NME7: variants seen among roughly 807,000 people sequenced by gnomAD.
The protein encoded by NME7 is NME/NM23 family member 7, also known as nucleoside diphosphate kinase 7.
A neutral mutation model predicts 49.1 loss-of-function variants in NME7; 41 were observed. That is an observed-to-expected ratio of 0.83 (90% confidence interval 0.65 to 1.08). NME7 has a LOEUF of 1.08. Among genes scored for constraint, NME7 ranks in the 50% least tolerant of loss-of-function variants. The pLI, the probability that NME7 is intolerant of heterozygous loss-of-function variation, is 0.00. For missense variants in NME7, 423 were observed against 463.4 expected, an observed-to-expected ratio of 0.91 and a Z score of 0.80; for synonymous variants, 139 against 150.6, an observed-to-expected ratio of 0.92 and a Z score of 0.56.
intron 1 of NME7, among the ~76,000 whole-genome samples, chr1:169,348,910 A>AT (rs1553196865): frequency 2.6e-5 from 4 of 151,392 alleles, no homozygotes; most frequent in African/African-American, 4.9e-5. Flanking sequence ...AAAAAAAAAA[A>AT]TTTTAAACAT....
chr1:169,182,486 C>A (rs1386042587), intron 10 of NME7, among the ~76,000 whole-genome samples: 4 of 152,160 alleles, frequency 2.6e-5, no homozygotes, highest in South Asian at 4.1e-4. Context: ...CCCTTTTGGG[C>A]CCCCCATCTA....
chr1:169,340,071 T>C (rs369989284), intron 1 of NME7, among the ~76,000 whole-genome samples: 2 of 152,316 alleles, frequency 1.3e-5, no homozygotes, highest in East Asian at 1.9e-4. Flanking sequence ...CATACCTTTG[T>C]AACTAGTCCC....
At chr1:169,246,534 T>C (rs1018553027) in intron 7 of NME7, among the ~76,000 whole-genome samples, 15 of 152,198 alleles carry the variant, frequency 9.9e-5, no homozygotes, top group African/African-American at 3.6e-4. Context: ...ACATTTTTCC[T>C]TACCAATTTC....
chr1:169,134,335 A>C lies in NME7; in HGVS notation c.1099-1518T>G, dbSNP rs148163967. Among the ~76,000 whole-genome samples the C allele has an allele frequency of 1.7e-4, 26 of 152,368 alleles. 2 individuals carry two copies. Among genetic ancestry groups the C allele is most frequent in the African/African-American group, 6.0e-4 (25 of 41,596 alleles). On this transcript the variant is annotated intron_variant, in intron 11 of 11. Coordinates refer to ENST00000367811, the MANE Select transcript of NME7 (RefSeq NM_013330.5). ...TAATCAGTTTATTCTGACCCTCAGT[A>C]GATGACATATTTCATGGGTGTAGGG...
intron 10 of NME7, among the ~76,000 whole-genome samples, chr1:169,194,627 T>G (rs530229105): frequency 6.6e-6 from 1 of 152,354 alleles, no homozygotes; most frequent in African/African-American, 2.4e-5. Context: ...GCACTCATTC[T>G]ATTTTACAGA....
At chr1:169,165,684 T>C (rs945680022) in intron 11 of NME7, among the ~76,000 whole-genome samples, 3 of 152,226 alleles carry the variant, frequency 2.0e-5, no homozygotes, top group African/African-American at 7.2e-5. Context: ...TCACTCGGAT[T>C]TTCACTTTGA....
At chr1:169,195,521 C>CT (rs933811287) in intron 10 of NME7, among the ~76,000 whole-genome samples, 1 of 152,124 alleles carries the variant, frequency 6.6e-6, no homozygotes, top group African/African-American at 2.4e-5. Context: ...TCAAAAGATA[C>CT]TTTTTTAAAA....
chr1:169,323,769 A>G (rs762660465), intron 2 of NME7, among the ~76,000 whole-genome samples: 4 of 151,896 alleles, frequency 2.6e-5, no homozygotes, highest in Non-Finnish European at 5.9e-5. Context: ...ATTTATGACC[A>G]TAATAATCCT....
At chr1:169,318,031 C>T (rs372005073) in intron 3 of NME7, among the ~76,000 whole-genome samples, 26 of 152,230 alleles carry the variant, frequency 1.7e-4, no homozygotes, top group Non-Finnish European at 2.2e-4. Context: ...GAATCAGAGT[C>T]CGGCACCTGC....
intron 7 of NME7, among the ~76,000 whole-genome samples, chr1:169,280,273 C>T (rs1389431161): frequency 6.6e-6 from 1 of 152,118 alleles, no homozygotes; most frequent in African/African-American, 2.4e-5. Context: ...AGTGTCTGTT[C>T]ATATCCTTTG....
At chr1:169,185,145 G>C (rs1456604598) in intron 10 of NME7, among the ~76,000 whole-genome samples, 1 of 152,160 alleles carries the variant, frequency 6.6e-6, no homozygotes, top group African/African-American at 2.4e-5. Flanking sequence ...GCAATTGAGA[G>C]TCAGCATGAT....
intron 3 of NME7, among the ~76,000 whole-genome samples, chr1:169,319,731 A>T (rs539850321): frequency 1.3e-5 from 2 of 152,168 alleles, no homozygotes; most frequent in Non-Finnish European, 2.9e-5. Context: ...CTTTCACTGA[A>T]AGTTAATAGA....
At chr1:169,169,322 C>G in intron 11 of NME7, 125 bp downstream of exon 11, 1 of 783,960 alleles carries the variant, frequency 1.3e-6, no homozygotes, top group Non-Finnish European at 2.1e-6. Flanking sequence ...AAACTGCACT[C>G]TCTGCACATG....
rs373187186 is a variant in NME7, at chr1:169,357,231, CTCT to C, written c.3+10474_3+10476del. Among the ~76,000 whole-genome samples the C allele has an allele frequency of 2.0e-3, 300 of 151,902 alleles. 4 individuals are homozygous for C. The highest frequency in any genetic ancestry group is 7.0e-3 in the African/African-American group (290 of 41,400). Reference sequence around the variant, plus strand: ...CAATGTTACAGTGTATCATGTATTTCTCTTCTTCTCTTTTTTCTTCCTCCAAGA... The same window carrying C: ...CAATGTTACAGTGTATCATGTATTTCTCTTCTCTTTTTTCTTCCTCCAAGA... On this transcript the variant is annotated intron_variant, in intron 1 of 11. Transcript: ENST00000367811.
chr1:169,317,040 C>CA (rs1049394885), intron 3 of NME7, among the ~76,000 whole-genome samples: 2 of 150,674 alleles, frequency 1.3e-5, no homozygotes, highest in African/African-American at 4.9e-5. Flanking sequence ...GAAACATATA[C>CA]AAAAATAACA....
At chr1:169,194,102 T>G (rs1190548101) in intron 10 of NME7, among the ~76,000 whole-genome samples, 3 of 151,742 alleles carry the variant, frequency 2.0e-5, no homozygotes, top group Admixed American at 6.6e-5. Flanking sequence ...AGTTAAGGAA[T>G]GGGGAAACAA....
At chr1:169,246,839 A>G (rs1299804591) in intron 7 of NME7, 1 of 339,218 alleles carries the variant, frequency 2.9e-6, no homozygotes, top group Non-Finnish European at 5.8e-6. Flanking sequence ...TGAGCCTCCC[A>G]AAGTGCTGGG....
In NME7 at chr1:169,341,157, G is replaced by A. The variant is rs527903476; in HGVS notation, c.4-16657C>T. Among the ~76,000 whole-genome samples, 3 of 152,304 alleles carry A rather than the reference G, an allele frequency of 2.0e-5. No individual in the cohort carries two copies. In the East Asian group the frequency reaches 5.8e-4, roughly 29 times the overall value. ...GGCTAGGAGAGAAAAATGGTTTTGT[G>A]GGCTAGGCCTGGGGCCCCACTGCTC... On this transcript the variant is annotated intron_variant, in intron 1 of 11. Coordinates refer to ENST00000367811, the MANE Select transcript of NME7 (RefSeq NM_013330.5).
intron 10 of NME7, among the ~76,000 whole-genome samples, chr1:169,200,540 TGC>T (rs1162201090): frequency 6.6e-6 from 1 of 152,094 alleles, no homozygotes; most frequent in African/African-American, 2.4e-5. Context: ...GCCTTTCATA[TGC>T]AAACCAACCA....
Sources: gnomAD v4.1 joint callset for allele counts (sites outside exome capture counted in the v4.1 genomes callset) on GRCh38, gnomAD v4.1.1 for gene constraint, MANE v1.5 for transcripts, NCBI Gene and HGNC (gene_info 2026-07-23, HGNC 2026-07-21) for gene names.